Variants in PTPRT observed in about 807,000 individuals in gnomAD.
The protein encoded by PTPRT is receptor-type tyrosine-protein phosphatase T.
In PTPRT, 56 loss-of-function variants were observed where a neutral mutation model predicts 176.8. The observed-to-expected ratio is 0.32, with a 90% CI of 0.26 to 0.40. The LOEUF (loss-of-function observed/expected upper bound fraction) is 0.40, where lower values mean the gene tolerates loss of function less well. Among genes scored for constraint, PTPRT ranks in the 10% least tolerant of loss-of-function variants. The pLI, the probability that PTPRT is intolerant of heterozygous loss-of-function variation, is 1.00. For synonymous variants in PTPRT, 783 were observed against 739.0 expected (o/e 1.06, Z -0.96); for missense variants, 1,540 against 1,908.2 (o/e 0.81, Z 3.60).
chr20:42,110,287 T>C, intron 23 of PTPRT, 46 bp downstream of exon 23: 3 of 1,542,622 alleles, frequency 1.9e-6, no homozygotes, highest in Non-Finnish European at 2.6e-6. Context: ...CCTGACCTCG[T>C]GATCTGCCCG....
chr20:42,086,753 A>AAAATATATATATAT (rs1983991312), intron 27 of PTPRT, among the ~76,000 whole-genome samples: 2 of 95,546 alleles, frequency 2.1e-5, no homozygotes, highest in Admixed American at 1.0e-4. Flanking sequence ...AAAAAAAAAA[A>AAAATATATATATAT]ATATATATAT....
In PTPRT at chr20:42,248,788, T is replaced by C. The variant is rs2056500209; in HGVS notation, c.2211A>G (p.Pro737=). Reference sequence around the variant, plus strand: ...TCACGGTGTTGTCCACCTGCTTCTCTGGCTCCACAGTGTTAGAATTCTGGG... The same window carrying C: ...TCACGGTGTTGTCCACCTGCTTCTCCGGCTCCACAGTGTTAGAATTCTGGG... ...ASTQNSNTVE[P]EKQVDNTVKM... Residue 737 remains proline (P), a synonymous_variant, in exon 14 of 31, where the codon CCA becomes CCG. Coordinates refer to ENST00000373187, the MANE Select transcript of PTPRT (RefSeq NM_007050.6). 1 of 1,614,080 alleles carries C rather than the reference T, an allele frequency of 6.2e-7. No homozygotes were observed.
At chr20:42,888,485 C>T (rs1162661555) in intron 1 of PTPRT, among the ~76,000 whole-genome samples, 1 of 152,204 alleles carries the variant, frequency 6.6e-6, no homozygotes, top group Non-Finnish European at 1.5e-5. Flanking sequence ...TTTATCTCAA[C>T]TTTAAATCTA....
chr20:42,799,651 T>C (rs546298903), intron 2 of PTPRT, among the ~76,000 whole-genome samples: 3 of 152,310 alleles, frequency 2.0e-5, no homozygotes, highest in South Asian at 2.1e-4. Context: ...ATGTTGGAAA[T>C]AGACAATTCA....
chr20:42,749,279 C>T (rs1486500899), intron 6 of PTPRT, among the ~76,000 whole-genome samples: 1 of 152,144 alleles, frequency 6.6e-6, no homozygotes, highest in Non-Finnish European at 1.5e-5. Flanking sequence ...CTTATCCAGC[C>T]CCAAACATGT....
chr20:42,231,751 C>T (rs941152735), intron 15 of PTPRT, among the ~76,000 whole-genome samples: 3 of 152,204 alleles, frequency 2.0e-5, no homozygotes, highest in Admixed American at 6.5e-5. Flanking sequence ...CATTCAAACA[C>T]ATAGCTATGA....
intron 6 of PTPRT, among the ~76,000 whole-genome samples, chr20:42,732,061 C>G (rs1468216394): frequency 6.6e-6 from 1 of 152,206 alleles, no homozygotes; most frequent in African/African-American, 2.4e-5. Flanking sequence ...CTATATTGTT[C>G]CATTAACTCT....
In PTPRT at chr20:43,092,731, A is replaced by G. The variant is rs570004220; in HGVS notation, c.88+96915T>C. On this transcript the variant is annotated intron_variant, in intron 1 of 30. Coordinates refer to ENST00000373187, the MANE Select transcript of PTPRT (RefSeq NM_007050.6). ...CTCCTTCTTCTTCCTTTCCAGCAAC[A>G]TAACAGATAACAGTTGTTCCATTTC... Among the ~76,000 whole-genome samples the G allele has an allele frequency of 9.8e-4, 149 of 152,342 alleles. 1 individual carries two copies. The highest frequency in any genetic ancestry group is 3.5e-3 in the African/African-American group (146 of 41,590).
chr20:42,618,194 T>C (rs1376845441), intron 7 of PTPRT, among the ~76,000 whole-genome samples: 2 of 121,702 alleles, frequency 1.6e-5, no homozygotes, highest in Non-Finnish European at 3.3e-5. Flanking sequence ...CATTTCGTTA[T>C]GTACCCAAGT....
intron 1 of PTPRT, among the ~76,000 whole-genome samples, chr20:42,914,758 A>G (rs544581035): frequency 6.6e-6 from 1 of 152,280 alleles, no homozygotes; most frequent in African/African-American, 2.4e-5. Flanking sequence ...ATCAATACAT[A>G]AGGGATAAGT....
chr20:42,655,513 C>A (rs76549369), intron 7 of PTPRT, among the ~76,000 whole-genome samples: 3,975 of 152,186 alleles, frequency 0.026, 93 homozygotes, highest in South Asian at 0.048. Context: ...AGAAATTTAC[C>A]AGATCTCATA....
rs531788438 is a variant in PTPRT at position 43,149,167 on chromosome 20, C to A, written c.88+40479G>T. ...TATAATTTTTAAATGTGGTATGTTT[C>A]TTTCTACCCAAGATCCCTTTGTGAA... On this transcript the variant is annotated intron_variant, in intron 1 of 30. Transcript: ENST00000373187. Among the ~76,000 whole-genome samples, 26 of 152,236 alleles carry A rather than the reference C, an allele frequency of 1.7e-4. No individual in the cohort carries two copies. In the East Asian group the frequency reaches 2.7e-3, roughly 16 times the overall value.
chr20:42,528,572 C>T (rs1428137989), intron 7 of PTPRT, among the ~76,000 whole-genome samples: 1 of 152,166 alleles, frequency 6.6e-6, no homozygotes, highest in African/African-American at 2.4e-5. Flanking sequence ...TGATGCCCTG[C>T]CTGGAATATC....
At chr20:42,881,770 G>C (rs1740971699) in intron 2 of PTPRT, among the ~76,000 whole-genome samples, 1 of 134,840 alleles carries the variant, frequency 7.4e-6, no homozygotes, top group South Asian at 2.5e-4. Context: ...GACAACCAAA[G>C]AACGAAAGAG....
intron 1 of PTPRT, among the ~76,000 whole-genome samples, chr20:43,020,294 T>C (rs1402717427): frequency 6.6e-6 from 1 of 150,550 alleles, no homozygotes; most frequent in Non-Finnish European, 1.5e-5. Flanking sequence ...AAAACAATAT[T>C]CAAAAGAAAA....
chr20:43,020,056 T>C (rs989393294), intron 1 of PTPRT, among the ~76,000 whole-genome samples: 1 of 150,750 alleles, frequency 6.6e-6, no homozygotes, highest in Non-Finnish European at 1.5e-5. Context: ...AAATCCCCTC[T>C]CCTCTCCCTC....
At chr20:42,863,693 C>T (rs942417954) in intron 2 of PTPRT, among the ~76,000 whole-genome samples, 28 of 152,174 alleles carry the variant, frequency 1.8e-4, no homozygotes, top group Admixed American at 1.8e-3. Context: ...ATGTAAACTC[C>T]ATCCCCTAAC....
intron 6 of PTPRT, among the ~76,000 whole-genome samples, chr20:42,681,278 G>A (rs750916232): frequency 7.2e-5 from 11 of 152,192 alleles, no homozygotes; most frequent in Non-Finnish European, 1.5e-5. Context: ...GGGAGGAAAA[G>A]GAAACCCCTG....
intron 1 of PTPRT, among the ~76,000 whole-genome samples, chr20:42,909,380 G>T (rs560828259): frequency 5.3e-5 from 8 of 152,266 alleles, no homozygotes; most frequent in African/African-American, 1.9e-4. Flanking sequence ...TGATGAAGGG[G>T]AAGTTGGAGT....
Sources: allele counts gnomAD v4.1 joint callset (sites outside exome capture counted in the v4.1 genomes callset), GRCh38; gene constraint gnomAD v4.1.1; transcripts MANE v1.5; gene names NCBI Gene and HGNC (gene_info 2026-07-23, HGNC 2026-07-21).